Variants in ABCA3 observed in about 807,000 individuals in gnomAD.
ABCA3 encodes the protein phospholipid-transporting ATPase ABCA3.
ABCA3 carries 88 observed loss-of-function variants against 172.8 expected under a neutral mutation model. That is an observed-to-expected ratio of 0.51 (90% CI 0.43 to 0.61). The LOEUF is 0.61. ABCA3 is among the 20% of genes least tolerant of loss of function. The probability of loss-of-function intolerance (pLI) is 0.00; values close to 1 mark genes in which losing one functional copy is unlikely to be tolerated. For missense variants in ABCA3, 2,164 were observed against 2,301.0 expected (o/e 0.94, Z 1.22); for synonymous variants, 1,066 against 983.8 (o/e 1.08, Z -1.56).
chr16:2,291,475 G>T (rs1369135473), intron 19 of ABCA3, among the ~76,000 whole-genome samples: 1 of 152,288 alleles, frequency 6.6e-6, no homozygotes, highest in African/African-American at 2.4e-5. Flanking sequence ...GGGTCTGGAT[G>T]AGATAGTTCC....
At chr16:2,307,232 C>T (rs530210060) in intron 11 of ABCA3, among the ~76,000 whole-genome samples, 17 of 152,080 alleles carry the variant, frequency 1.1e-4, no homozygotes, top group African/African-American at 3.9e-4. Flanking sequence ...CTAATTCTAC[C>T]CTTTACCAAG....
chr16:2,317,821 T>C (rs1204914163), intron 8 of ABCA3, 57 bp from the exon 9 acceptor site: 10 of 1,529,696 alleles, frequency 6.5e-6, no homozygotes, highest in African/African-American at 1.4e-5. Flanking sequence ...CATGATGGCA[T>C]GTGCCAGGCT....
intron 19 of ABCA3, among the ~76,000 whole-genome samples, chr16:2,289,994 CACACACA>C (rs2093669479): frequency 6.6e-6 from 1 of 151,730 alleles, no homozygotes; most frequent in Non-Finnish European, 1.5e-5. Context: ...CACACACACA[CACACACA>C]CCCCTTCCTA....
chr16:2,333,429 A>G (rs1157816900), intron 1 of ABCA3, among the ~76,000 whole-genome samples: 1 of 152,174 alleles, frequency 6.6e-6, no homozygotes, highest in Non-Finnish European at 1.5e-5. Flanking sequence ...TGCTGGTCAC[A>G]TTTGGTGCTT....
intron 1 of ABCA3, among the ~76,000 whole-genome samples, chr16:2,331,912 ACAGT>A (rs2093743843): frequency 6.6e-6 from 1 of 152,236 alleles, no homozygotes; most frequent in Admixed American, 6.5e-5. Context: ...GTCCCGGGAC[ACAGT>A]CAGGAAAGGG....
chr16:2,284,346 G>A lies in ABCA3; in HGVS notation c.3795C>T (p.Tyr1265=), dbSNP rs140948738. The A allele has an allele frequency of 1.4e-5, 22 of 1,613,970 alleles. 1 individual carries two copies. In the East Asian group the frequency reaches 2.2e-4, roughly 16 times the overall value. ...AGTACCTCCGCGTCTCGTAGTTCTCGTAGAAACTGCTGACTGCCATCCCCA... is the reference window on the plus strand; with the variant it reads ...AGTACCTCCGCGTCTCGTAGTTCTCATAGAAACTGCTGACTGCCATCCCCA... ...HCLGMAVSSF[Y]ENYETRRYCT... The change falls in exon 25 of 33, where the codon TAC becomes TAT. Residue 1265 remains tyrosine, a synonymous_variant. Coordinates refer to ENST00000301732, the MANE Select transcript of ABCA3 (RefSeq NM_001089.3). This position sits in a 1 kb window ranked among gnomAD's most constrained non-coding sequence, Gnocchi z 5.9.
At chr16:2,314,772 C>T (rs940337891) in intron 10 of ABCA3, among the ~76,000 whole-genome samples, 7 of 151,192 alleles carry the variant, frequency 4.6e-5, no homozygotes, top group African/African-American at 1.7e-4. Flanking sequence ...GACAGGGTTT[C>T]TCCATGTTAG....
intron 2 of ABCA3, among the ~76,000 whole-genome samples, chr16:2,329,204 A>G (rs925779113): frequency 3.9e-5 from 6 of 152,224 alleles, no homozygotes; most frequent in Non-Finnish European, 8.8e-5. Flanking sequence ...CAACTTAATA[A>G]ATTATCCCAA....
intron 5 of ABCA3, among the ~76,000 whole-genome samples, chr16:2,325,450 G>C (rs894107185): frequency 1.3e-5 from 2 of 152,176 alleles, no homozygotes; most frequent in Non-Finnish European, 2.9e-5. Flanking sequence ...GAGAAGCTGG[G>C]GGATTCCTTG....
At chr16:2,307,633 C>T (rs35757119) in intron 11 of ABCA3, among the ~76,000 whole-genome samples, 17,387 of 151,986 alleles carry the variant, frequency 0.11, 1,595 homozygotes, top group East Asian at 0.38. Flanking sequence ...TTTTTTGAGA[C>T]GGAGTCTTGT....
chr16:2,312,513 A>G (rs1317473354), intron 10 of ABCA3, among the ~76,000 whole-genome samples: 1 of 150,412 alleles, frequency 6.6e-6, no homozygotes, highest in Non-Finnish European at 1.5e-5. Flanking sequence ...GACATTCATG[A>G]GTGAAATTGG....
chr16:2,296,817 T>C (rs1030318249), intron 17 of ABCA3, among the ~76,000 whole-genome samples: 3 of 151,966 alleles, frequency 2.0e-5, no homozygotes, highest in African/African-American at 7.2e-5. Context: ...ACTTGGGGGG[T>C]GTCCTGAGGG....
Position 2,277,552 on chromosome 16 carries a change from C to T in ABCA3, c.4983+45G>A. The stretch of plus-strand genomic sequence containing the variant: ...AGGGAGAGACCCCTGGAGGGACCTC[C>T]CCCTGCCCCATGAGTGCCCAGTGGG... On this transcript the variant is annotated intron_variant, in intron 32 of 32. Coordinates refer to ENST00000301732, the MANE Select transcript of ABCA3 (RefSeq NM_001089.3). This position sits in a 1 kb window ranked among gnomAD's most constrained non-coding sequence, Gnocchi z 5.3. 1 of 1,599,562 alleles carries T rather than the reference C, an allele frequency of 6.3e-7. No individual in the cohort carries two copies. The highest frequency in any genetic ancestry group is 1.1e-5 in the South Asian group (1 of 90,312).
At position 2,310,427 on chromosome 16, in the gene ABCA3, A is replaced by AAAC. The variant is rs1567348520; in HGVS notation, c.1112-1805_1112-1804insGTT. On this transcript the variant is annotated intron_variant, in intron 10 of 32. Transcript: ENST00000301732. ...GTCTCAAAACAAACAAACAAACAAA[A>AAAC]AAACAAACAAACAAACAAAACACCC... 4.6e-3 allele frequency among the ~76,000 whole-genome samples: 695 copies of AAAC among 150,936 alleles called. 4 individuals carry two copies. Among genetic ancestry groups the AAAC allele is most frequent in the African/African-American group, 0.016 (656 of 40,750 alleles).
Position 2,279,045 on chromosome 16 carries a change from C to T in ABCA3, c.4445G>A (p.Arg1482Gln), listed in dbSNP as rs774652747. Residue 1482 changes from arginine (R) to glutamine (Q), a missense_variant, in exon 29 of 33, where the codon CGG becomes CAG. This residue lies in a region of ABCA3 where 795 missense variants were observed against 881.9 expected (regional missense o/e 0.90). Coordinates refer to ENST00000301732, the MANE Select transcript of ABCA3 (RefSeq NM_001089.3). The surrounding 1 kb of genome is among the most constrained non-coding windows in gnomAD (Gnocchi z 4.4). ...GTGGCGCTCAGGGATGCCCCGGAGC[C>T]GAGCGTACATGACCAGCATCTCCCG... ...TGREMLVMYA[R>Q]LRGIPERHIG... 5.6e-6 allele frequency: 9 copies of T among 1,613,278 alleles called. No homozygotes were observed. Among genetic ancestry groups the T allele is most frequent in the South Asian group, 1.1e-5 (1 of 91,080 alleles).
At chr16:2,324,275 G>A (rs989360891) in intron 6 of ABCA3, 129 bp downstream of exon 6, 1 of 1,334,092 alleles carries the variant, frequency 7.5e-7, no homozygotes, top group Admixed American at 2.1e-5. Context: ...AGGAGTGACT[G>A]CTATTGACTT....
chr16:2,335,127 C>T (rs1464551174), intron 1 of ABCA3, among the ~76,000 whole-genome samples: 1 of 151,940 alleles, frequency 6.6e-6, no homozygotes. Context: ...CTGTGCCCGG[C>T]CCTAAATATT....
In ABCA3 at chr16:2,332,405, G is replaced by A. The variant is rs4787279; in HGVS notation, c.-538-2551C>T. The A allele has an allele frequency of 0.015, 17,569 of 1,182,564 alleles. 2,118 individuals carry two copies. In the African/African-American group the frequency reaches 0.25, roughly 17 times the overall value. 73.3% of individuals were successfully genotyped at this position (1,182,564 alleles called of 1,614,324 possible). On this transcript the variant is annotated intron_variant, in intron 1 of 32. Coordinates refer to ENST00000301732, the MANE Select transcript of ABCA3 (RefSeq NM_001089.3). Reference sequence around the variant, plus strand: ...CGGGGATCAGCTACCAGCAGGGTCCGGTCATACAGGATGAGGATGTCTTTG... The same window carrying A: ...CGGGGATCAGCTACCAGCAGGGTCCAGTCATACAGGATGAGGATGTCTTTG...
intron 19 of ABCA3, among the ~76,000 whole-genome samples, chr16:2,291,358 C>T (rs2093671661): frequency 6.6e-6 from 1 of 152,006 alleles, no homozygotes; most frequent in Non-Finnish European, 1.5e-5. Context: ...ACCATGTTGA[C>T]CAGGCTAGTC....
Sources: allele counts gnomAD v4.1 joint callset (sites outside exome capture counted in the v4.1 genomes callset), GRCh38; gene constraint gnomAD v4.1.1; regional missense constraint gnomAD v4.1.1; non-coding constraint Gnocchi (gnomAD v3.1); transcripts MANE v1.5; gene names NCBI Gene and HGNC (gene_info 2026-07-23, HGNC 2026-07-21).